ETFA: variants seen among roughly 807,000 people sequenced by gnomAD.
ETFA encodes electron transfer flavoprotein subunit alpha.
ETFA carries 22 observed loss-of-function variants against 46.2 expected under a neutral mutation model. That is an observed-to-expected ratio of 0.48 (90% confidence interval 0.34 to 0.68). ETFA has a LOEUF of 0.68. ETFA is among the 30% of genes least tolerant of loss of function. The pLI, the probability that ETFA is intolerant of heterozygous loss-of-function variation, is 0.01. For missense variants in ETFA, 345 were observed against 401.1 expected (o/e 0.86, Z 1.19); for synonymous variants, 131 against 139.9 (o/e 0.94, Z 0.45).
chr15:76,278,910 C>T (rs528371246), intron 8 of ETFA, among the ~76,000 whole-genome samples: 9 of 151,084 alleles, frequency 6.0e-5, no homozygotes, highest in South Asian at 4.2e-4. Context: ...AAGGGAGTGA[C>T]GTCCTTGAGT....
chr15:76,295,840 T>A lies in ETFA; in HGVS notation c.40-103A>T. 6.4e-6 allele frequency: 5 copies of A among 776,724 alleles called. No homozygotes were observed. The South Asian group carries it at 8.3e-5, about 13-fold the overall frequency. The allele number at this position is 776,724 out of a possible 1,614,324, so 48.1% of individuals were successfully genotyped here. ...AGCATGTATGCTTTAAAGAAAACTA[T>A]TCTGTACACAATATTATTCTATAAA... On this transcript the variant is annotated intron_variant, in intron 1 of 11. Coordinates refer to ENST00000557943, the MANE Select transcript of ETFA (RefSeq NM_000126.4).
chr15:76,249,189 C>T lies in ETFA; in HGVS notation c.817-17791G>A, dbSNP rs1176914575. ...TGTTGCCCAGGCTGGAGTGCAATGG[C>T]GTGATCTTGGCTCACCACAACCTCC... On this transcript the variant is annotated intron_variant, in intron 9 of 11. Transcript: ENST00000557943. Among the ~76,000 whole-genome samples, 6 of 146,794 alleles carry T rather than the reference C, an allele frequency of 4.1e-5. 1 individual carries two copies. The South Asian group carries it at 8.5e-4, about 21-fold the overall frequency.
rs535203932 is a variant in ETFA, at chr15:76,295,809, T to C, written c.40-72A>G. 25 of 1,190,938 alleles carry C rather than the reference T, an allele frequency of 2.1e-5. No individual in the cohort carries two copies. In the East Asian group the frequency reaches 4.5e-4, roughly 22 times the overall value. 73.8% of individuals were successfully genotyped at this position (1,190,938 alleles called of 1,614,324 possible). ...GGGTTTTTTTTTTTTTTTTTACTAA[T>C]TGTTAAGCATGTATGCTTTAAAGAA... On this transcript the variant is annotated intron_variant, in intron 1 of 11. Coordinates refer to ENST00000557943, the MANE Select transcript of ETFA (RefSeq NM_000126.4).
chr15:76,249,327 C>T (rs1034158635), intron 9 of ETFA, among the ~76,000 whole-genome samples: 4 of 151,536 alleles, frequency 2.6e-5, no homozygotes, highest in Non-Finnish European at 5.9e-5. Context: ...GGGGTTTCTC[C>T]GTGTTGGTCA....
At chr15:76,252,145 T>C (rs900962761) in intron 9 of ETFA, among the ~76,000 whole-genome samples, 2 of 152,156 alleles carry the variant, frequency 1.3e-5, no homozygotes, top group Admixed American at 6.6e-5. Context: ...CAGGACCATA[T>C]AGAATCTTTT....
intron 11 of ETFA, among the ~76,000 whole-genome samples, chr15:76,219,139 G>T (rs1457467011): frequency 6.6e-6 from 1 of 152,190 alleles, no homozygotes; most frequent in African/African-American, 2.4e-5. Flanking sequence ...ATAGTAAAGA[G>T]ATTGTAGTGA....
intron 11 of ETFA, among the ~76,000 whole-genome samples, chr15:76,218,858 C>A (rs528167731): frequency 4.6e-4 from 70 of 152,302 alleles, no homozygotes; most frequent in South Asian, 4.4e-3. Flanking sequence ...AACAGAGAAG[C>A]TCTCTGTCAC....
intron 9 of ETFA, among the ~76,000 whole-genome samples, chr15:76,266,642 G>A (rs1567209233): frequency 6.6e-6 from 1 of 152,184 alleles, no homozygotes; most frequent in East Asian, 1.9e-4. Flanking sequence ...GGTGACTCAT[G>A]CCTGTAATCC....
chr15:76,256,187 G>A (rs1177326357), intron 9 of ETFA, among the ~76,000 whole-genome samples: 1 of 151,424 alleles, frequency 6.6e-6, no homozygotes, highest in Non-Finnish European at 1.5e-5. Flanking sequence ...GAACCCGGGA[G>A]GTGGAGGTTG....
chr15:76,286,457 C>A lies in ETFA; in HGVS notation c.476G>T (p.Cys159Phe). 2 of 1,612,414 alleles carry A rather than the reference C, an allele frequency of 1.2e-6. No individual in the cohort carries two copies. Among genetic ancestry groups the A allele is most frequent in the Non-Finnish European group, 1.7e-6 (2 of 1,178,488 alleles). ...YAGNALCTVK[C>F]DEKVKVFSVR... Reference sequence around the variant, plus strand: ...AGAAAACACTTTCACTTTCTCATCACACTTCACTGTACATAGAGCATTTCC... The same window carrying A: ...AGAAAACACTTTCACTTTCTCATCAAACTTCACTGTACATAGAGCATTTCC... The change falls in exon 6 of 12, where the codon TGT becomes TTT. Residue 159 changes from cysteine to phenylalanine, a missense_variant. Cys to Phe is a radical substitution (Grantham distance 205, BLOSUM62 -2). Transcript: ENST00000557943.
intron 1 of ETFA, among the ~76,000 whole-genome samples, chr15:76,301,099 G>A (rs2039875965): frequency 6.6e-6 from 1 of 152,184 alleles, no homozygotes; most frequent in Admixed American, 6.5e-5. Flanking sequence ...TAGAGTTGTT[G>A]TGAGGGTTAA....
chr15:76,231,043 C>T, intron 10 of ETFA: 1 of 348,392 alleles, frequency 2.9e-6, no homozygotes. Flanking sequence ...TCATTCAATA[C>T]CCACTATTTA....
intron 1 of ETFA, among the ~76,000 whole-genome samples, 199 bp from the exon 2 acceptor site, chr15:76,295,936 C>CTTTTTTTGTTTTTTTTTTTTTTTT (rs2039816685): frequency 2.1e-5 from 1 of 46,602 alleles, no homozygotes; most frequent in African/African-American, 6.7e-5. Context: ...CACTAATATT[C>CTTTTTTTGTTTTTTTTTTTTTTTT]TTTTTTTTTT....
intron 1 of ETFA, among the ~76,000 whole-genome samples, chr15:76,307,534 C>T (rs192921921): frequency 2.0e-4 from 31 of 151,714 alleles, no homozygotes; most frequent in African/African-American, 7.0e-4. Context: ...TTGCCCAGGC[C>T]GGAGGGCAGT....
intron 1 of ETFA, among the ~76,000 whole-genome samples, chr15:76,308,595 A>G (rs2039959461): frequency 6.6e-6 from 1 of 152,192 alleles, no homozygotes; most frequent in Admixed American, 6.5e-5. Context: ...CAAATACACC[A>G]ATGTCATCAA....
rs534988777 is a variant in ETFA, at chr15:76,260,039, T to C, written c.816+14373A>G. On this transcript the variant is annotated intron_variant, in intron 9 of 11. Coordinates refer to ENST00000557943, the MANE Select transcript of ETFA (RefSeq NM_000126.4). ...AACTCTTCAATGTCACTTGAGGCAA[T>C]GAGATCAGCTTTCAGCATCTTCATA... is the stretch of plus-strand genomic sequence containing the variant. 3 of 1,481,406 alleles carry C rather than the reference T, an allele frequency of 2.0e-6. No individual in the cohort carries two copies. The East Asian group carries it at 6.8e-5, about 34-fold the overall frequency. The allele number at this position is 1,481,406 out of a possible 1,614,324, so 91.8% of individuals were successfully genotyped here.
At chr15:76,221,944 G>GC (rs1194815987) in intron 11 of ETFA, among the ~76,000 whole-genome samples, 1 of 152,014 alleles carries the variant, frequency 6.6e-6, no homozygotes, top group East Asian at 1.9e-4. Context: ...TACTTGGTGA[G>GC]CAAAATATCA....
intron 1 of ETFA, among the ~76,000 whole-genome samples, chr15:76,309,620 A>AT (rs891275887): frequency 5.3e-5 from 8 of 152,116 alleles, no homozygotes; most frequent in African/African-American, 1.2e-4. Context: ...TAATCATTCC[A>AT]TTTTTTTCTG....
intron 1 of ETFA, among the ~76,000 whole-genome samples, chr15:76,309,631 T>C (rs1462033346): frequency 6.6e-6 from 1 of 152,212 alleles, no homozygotes; most frequent in Non-Finnish European, 1.5e-5. Flanking sequence ...TTTTTTTCTG[T>C]TAGCTCTACA....
Sources: gnomAD v4.1 joint callset for allele counts (sites outside exome capture counted in the v4.1 genomes callset) on GRCh38, gnomAD v4.1.1 for gene constraint, MANE v1.5 for transcripts, NCBI Gene and HGNC (gene_info 2026-07-23, HGNC 2026-07-21) for gene names.